The following SETBP1 variants were observed in gnomAD, a reference collection of about 807,000 sequenced individuals.
SETBP1 encodes the protein SET-binding protein.
In SETBP1, 9 loss-of-function variants were observed where a neutral mutation model predicts 101.0. The observed-to-expected ratio is 0.09, with a 90% confidence interval of 0.05 to 0.16. The LOEUF is 0.16. Among genes scored for constraint, SETBP1 ranks in the 10% least tolerant of loss-of-function variants. The pLI, the probability that SETBP1 is intolerant of heterozygous loss-of-function variation, is 1.00. For missense variants in SETBP1, 1,858 were observed against 2,033.8 expected (o/e 0.91, Z 1.66); for synonymous variants, 818 against 788.5 (o/e 1.04, Z -0.63).
intron 2 of SETBP1, among the ~76,000 whole-genome samples, chr18:44,829,572 A>G (rs926861297): frequency 6.6e-6 from 1 of 152,206 alleles, no homozygotes; most frequent in Non-Finnish European, 1.5e-5. Context: ...GCAACATGAC[A>G]TTTTTAATCT....
chr18:44,762,954 G>C (rs1034616040), intron 2 of SETBP1, among the ~76,000 whole-genome samples: 1 of 152,172 alleles, frequency 6.6e-6, no homozygotes, highest in African/African-American at 2.4e-5. Context: ...ATAGAATAAA[G>C]ACTTGGTAAA....
intron 1 of SETBP1, among the ~76,000 whole-genome samples, chr18:44,694,123 G>A (rs768513504): frequency 2.0e-5 from 3 of 152,218 alleles, no homozygotes; most frequent in Non-Finnish European, 2.9e-5. Context: ...ATAGTAGATG[G>A]ATGTTTACTC....
chr18:44,957,602 T>G (rs752572506), intron 4 of SETBP1, among the ~76,000 whole-genome samples: 33 of 152,160 alleles, frequency 2.2e-4, no homozygotes, highest in Non-Finnish European at 4.4e-4. Context: ...TCCTTGTAGC[T>G]TCTTTCTTGC....
intron 2 of SETBP1, among the ~76,000 whole-genome samples, chr18:44,851,973 C>T (rs1568180753): frequency 6.6e-6 from 1 of 152,244 alleles, no homozygotes. Context: ...TCACGGCCTT[C>T]CACGCCCTCC....
intron 2 of SETBP1, among the ~76,000 whole-genome samples, chr18:44,715,784 A>G (rs140061488): frequency 1.0e-3 from 152 of 152,224 alleles, no homozygotes; most frequent in Non-Finnish European, 1.9e-3. Flanking sequence ...ATATCCTTTT[A>G]TTCCCTGGCC....
At chr18:44,695,725 A>G (rs1166702865) in intron 1 of SETBP1, among the ~76,000 whole-genome samples, 3 of 152,234 alleles carry the variant, frequency 2.0e-5, no homozygotes, top group Non-Finnish European at 4.4e-5. Context: ...TTTGCCTTTA[A>G]GACCTGAGAG....
chr18:44,936,270 G>T (rs1256455593), intron 3 of SETBP1, among the ~76,000 whole-genome samples: 1 of 150,480 alleles, frequency 6.6e-6, no homozygotes, highest in East Asian at 2.0e-4. Flanking sequence ...GTGCTGTAGT[G>T]GGATCCCGGG....
intron 2 of SETBP1, among the ~76,000 whole-genome samples, chr18:44,822,991 T>G (rs1204111851): frequency 1.3e-5 from 2 of 152,024 alleles, no homozygotes; most frequent in Non-Finnish European, 2.9e-5. Context: ...AAAAAATACA[T>G]GTGGTGGTGT....
Position 45,068,134 on chromosome 18 carries a change from T to C in SETBP1, c.*4436T>C, listed in dbSNP as rs1174558485. The C allele has an allele frequency of 1.3e-5, 2 of 152,254 alleles. No individual in the cohort carries two copies. Among genetic ancestry groups the C allele is most frequent in the African/African-American group, 2.4e-5 (1 of 41,470 alleles). The allele number at this position is 152,254 out of a possible 1,614,324, so 9.4% of individuals were successfully genotyped here. ...TTTTTAAAGTGTAATTTGCATGTTC[T>C]ACTTTGATTGTATGTAAACATATTT... On this transcript the variant is annotated 3_prime_UTR_variant, in exon 6 of 6. Coordinates refer to ENST00000649279, the MANE Select transcript of SETBP1 (RefSeq NM_015559.3).
chr18:44,700,833 G>A (rs191832805), intron 1 of SETBP1, among the ~76,000 whole-genome samples: 4 of 152,220 alleles, frequency 2.6e-5, no homozygotes, highest in South Asian at 2.1e-4. Flanking sequence ...CTTCCCTTTC[G>A]TCATGATTGG....
chr18:44,953,174 G>C lies in SETBP1; in HGVS notation c.3834G>C (p.Leu1278=), dbSNP rs560028623. 259 of 1,614,118 alleles carry C rather than the reference G, an allele frequency of 1.6e-4. 5 individuals carry two copies. The highest frequency in any genetic ancestry group is 1.5e-3 in the South Asian group (135 of 91,082). The part of the protein sequence containing the change: ...GDGGSTRSEN[L]DVFSEMNPSN... ...GTGGCAGCACGAGATCAGAGAACCT[G>C]GACGTGTTCAGTGAAATGAACCCTT... The change falls in exon 4 of 6, where the codon CTG becomes CTC. Residue 1278 remains leucine, a synonymous_variant. Coordinates refer to ENST00000649279, the MANE Select transcript of SETBP1 (RefSeq NM_015559.3).
intron 2 of SETBP1, among the ~76,000 whole-genome samples, chr18:44,794,999 C>T (rs925758639): frequency 1.3e-5 from 2 of 152,124 alleles, no homozygotes; most frequent in African/African-American, 4.8e-5. Flanking sequence ...GGCAGAGGCC[C>T]TCCCCTCTAG....
At chr18:44,843,783 C>T (rs758870390) in intron 2 of SETBP1, among the ~76,000 whole-genome samples, 4 of 152,136 alleles carry the variant, frequency 2.6e-5, no homozygotes, top group Non-Finnish European at 4.4e-5. Context: ...TCACGTGAGG[C>T]TAGGCACACA....
chr18:44,730,692 C>T (rs2069820790), intron 2 of SETBP1, among the ~76,000 whole-genome samples: 1 of 152,106 alleles, frequency 6.6e-6, no homozygotes, highest in Admixed American at 6.5e-5. Context: ...CCCCACTGGT[C>T]TAAGAGAGAC....
At chr18:44,839,493 C>A (rs747379774) in intron 2 of SETBP1, among the ~76,000 whole-genome samples, 4 of 152,184 alleles carry the variant, frequency 2.6e-5, no homozygotes, top group Non-Finnish European at 4.4e-5. Flanking sequence ...GCTATTGTTA[C>A]AGATGTGATG....
intron 4 of SETBP1, among the ~76,000 whole-genome samples, chr18:44,995,228 G>C (rs75266985): frequency 3.0e-4 from 41 of 137,970 alleles, no homozygotes; most frequent in African/African-American, 1.1e-3. Flanking sequence ...TGCAAGCTCC[G>C]CCTCCTGGGT....
At chr18:45,035,037 A>G (rs1295740442) in intron 4 of SETBP1, among the ~76,000 whole-genome samples, 1 of 150,498 alleles carries the variant, frequency 6.6e-6, no homozygotes, top group South Asian at 2.2e-4. Context: ...ATCATAGAAT[A>G]TCAGTCACCA....
At chr18:44,774,376 GGTGTGTGTGTGTGTGGGTGTGAGT>G (rs1261458328) in intron 2 of SETBP1, among the ~76,000 whole-genome samples, 4 of 147,510 alleles carry the variant, frequency 2.7e-5, no homozygotes, top group Non-Finnish European at 4.5e-5. Flanking sequence ...TGTGTGTGTG[GGTGTGTGTGTGTGTGGGTGTGAGT>G]GTGGGGGTGT....
rs565632283 is a variant in SETBP1 at position 44,807,236 on chromosome 18, A to G, written c.487-61994A>G. On this transcript the variant is annotated intron_variant, in intron 2 of 5. Transcript: ENST00000649279. ...ATTTTATAGATTGTACATATAGTTTATTTCTTGGTTGTATATTTGCACTGT... is the reference window on the plus strand; with the variant it reads ...ATTTTATAGATTGTACATATAGTTTGTTTCTTGGTTGTATATTTGCACTGT... Among the ~76,000 whole-genome samples the G allele has an allele frequency of 3.9e-5, 6 of 151,996 alleles. No individual in the cohort carries two copies. The South Asian group carries it at 1.0e-3, about 26-fold the overall frequency.
Sources: gnomAD v4.1 joint callset for allele counts (sites outside exome capture counted in the v4.1 genomes callset) on GRCh38, gnomAD v4.1.1 for gene constraint, MANE v1.5 for transcripts, NCBI Gene and HGNC (gene_info 2026-07-23, HGNC 2026-07-21) for gene names.